The following AFF2 variants were observed in gnomAD, a reference collection of about 807,000 sequenced individuals.
AFF2 encodes ALF transcription elongation factor 2, also known as AF4/FMR2 family member 2.
In AFF2, 14 loss-of-function variants were observed where a neutral mutation model predicts 76.9. That is an observed-to-expected ratio of 0.18 (90% confidence interval 0.12 to 0.28). The LOEUF is 0.28. Ranked by LOEUF, AFF2 falls within the 10% of genes least tolerant of loss-of-function variation. The probability of loss-of-function intolerance (pLI) is 1.00; values close to 1 mark genes in which losing one functional copy is unlikely to be tolerated. For synonymous variants in AFF2, 398 were observed against 366.7 expected (o/e 1.09, Z -0.98); for missense variants, 868 against 1,001.1 (o/e 0.87, Z 1.79).
intron 11 of AFF2, among the ~76,000 whole-genome samples, chrX:148,958,046 T>C: frequency 8.9e-6 from 1 of 111,885 alleles, no homozygotes; most frequent in East Asian, 2.8e-4. Flanking sequence ...AAAAATTGTA[T>C]TAATAGATTC....
chrX:148,893,357 C>T (rs1376632600), intron 8 of AFF2, among the ~76,000 whole-genome samples: 2 of 111,812 alleles, frequency 1.8e-5, no homozygotes, highest in Non-Finnish European at 3.8e-5. Context: ...GTTTAGAAAC[C>T]TGTGTGCTGA....
intron 7 of AFF2, among the ~76,000 whole-genome samples, chrX:148,851,947 G>A (rs1465812601): frequency 9.1e-6 from 1 of 109,750 alleles, no homozygotes; most frequent in Non-Finnish European, 1.9e-5. Context: ...TTAACATTTA[G>A]CTTCCACCTG....
chrX:148,529,417 A>T (rs1201155433), intron 1 of AFF2, among the ~76,000 whole-genome samples: 1 of 112,393 alleles, frequency 8.9e-6, no homozygotes, highest in African/African-American at 3.2e-5. Context: ...GTACAAAAAC[A>T]AAGTATAGGT....
intron 1 of AFF2, among the ~76,000 whole-genome samples, chrX:148,643,126 A>C (rs2054106546): frequency 8.9e-6 from 1 of 111,906 alleles, no homozygotes; most frequent in Non-Finnish European, 1.9e-5. Context: ...TATTGGAAGA[A>C]ACATGAAGAA....
chrX:148,984,512 A>T (rs4844078), intron 19 of AFF2, among the ~76,000 whole-genome samples: 2 of 110,801 alleles, frequency 1.8e-5, no homozygotes, highest in African/African-American at 3.3e-5. Context: ...TCTCTTAGCC[A>T]CAGTCACAAC....
chrX:148,530,370 A>G (rs1166578313), intron 1 of AFF2, among the ~76,000 whole-genome samples: 1 of 112,130 alleles, frequency 8.9e-6, no homozygotes, highest in Non-Finnish European at 1.9e-5. Flanking sequence ...ACTACTATTT[A>G]AAATTGTTAT....
intron 3 of AFF2, among the ~76,000 whole-genome samples, chrX:148,675,283 GAA>G (rs1278826796): frequency 9.9e-6 from 1 of 101,207 alleles, no homozygotes; most frequent in African/African-American, 3.6e-5. Flanking sequence ...GGTTGATGGA[GAA>G]AAAAAAAAAG....
intron 3 of AFF2, among the ~76,000 whole-genome samples, chrX:148,692,444 C>A (rs1391237064): frequency 8.9e-6 from 1 of 112,045 alleles, no homozygotes. Flanking sequence ...TGTCACAAGA[C>A]CCACAGTATT....
chrX:148,960,844 T>A (rs949050850), intron 12 of AFF2, among the ~76,000 whole-genome samples: 2 of 111,913 alleles, frequency 1.8e-5, no homozygotes, highest in African/African-American at 3.2e-5. Flanking sequence ...GCTCTTCTTT[T>A]GTCTCCTGTT....
intron 3 of AFF2, among the ~76,000 whole-genome samples, chrX:148,726,878 C>A (rs782010138): frequency 1.8e-5 from 2 of 111,224 alleles, no homozygotes. Context: ...TCCCCCAGGG[C>A]ACACATGGTC....
intron 4 of AFF2, among the ~76,000 whole-genome samples, chrX:148,811,763 G>A (rs966611448): frequency 3.6e-5 from 4 of 111,782 alleles, no homozygotes; most frequent in African/African-American, 1.3e-4. Context: ...GAAGGAGGGT[G>A]AACACCTGGC....
chrX:148,767,424 C>T (rs917424241), intron 3 of AFF2, among the ~76,000 whole-genome samples: 1 of 111,439 alleles, frequency 9.0e-6, no homozygotes, highest in Non-Finnish European at 1.9e-5. Flanking sequence ...GTTTCTAAAA[C>T]GCAAACAAAG....
In AFF2 at chrX:148,999,905, G is replaced by A. The variant is rs2072656037; in HGVS notation, c.*8573G>A. ...GTAGGTCAAGATGCATGAGAGGGAA[G>A]ATGGAGGCCACCTCAACTGGAGAAC... On this transcript the variant is annotated 3_prime_UTR_variant, in exon 21 of 21. Transcript: ENST00000370460. 1.8e-5 allele frequency: 2 copies of A among 111,614 alleles called. No homozygotes were observed. The allele number at this position is 111,614 out of a possible 1,213,427, so 9.2% of individuals were successfully genotyped here.
chrX:148,804,746 T>C (rs1439288702), intron 3 of AFF2, among the ~76,000 whole-genome samples: 1 of 112,396 alleles, frequency 8.9e-6, no homozygotes, highest in Non-Finnish European at 1.9e-5. Flanking sequence ...ATTAAAGTTA[T>C]ATTACCCGAG....
intron 7 of AFF2, among the ~76,000 whole-genome samples, chrX:148,876,239 C>A (rs1253678335): frequency 9.0e-6 from 1 of 111,672 alleles, no homozygotes; most frequent in African/African-American, 3.3e-5. Context: ...ATAGTTATAG[C>A]AATTCTATAA....
At chrX:148,739,261 A>C (rs1243101626) in intron 3 of AFF2, among the ~76,000 whole-genome samples, 2 of 111,552 alleles carry the variant, frequency 1.8e-5, no homozygotes, top group African/African-American at 3.3e-5. Flanking sequence ...CTCATTTCTT[A>C]GGTCTATTAG....
intron 8 of AFF2, among the ~76,000 whole-genome samples, chrX:148,893,996 A>G (rs1409537133): frequency 2.7e-5 from 3 of 111,345 alleles, no homozygotes; most frequent in African/African-American, 9.8e-5. Context: ...CATCATCCCA[A>G]TTAGGGTCCT....
intron 9 of AFF2, among the ~76,000 whole-genome samples, chrX:148,917,328 A>G (rs911510249): frequency 1.8e-5 from 2 of 112,109 alleles, no homozygotes; most frequent in Non-Finnish European, 3.8e-5. Flanking sequence ...ATGGGTAGTT[A>G]TATTTGATGT....
chrX:148,796,167 A>G (rs782105333), intron 3 of AFF2, among the ~76,000 whole-genome samples: 6 of 109,600 alleles, frequency 5.5e-5, no homozygotes, highest in African/African-American at 2.0e-4. Flanking sequence ...GAGCTTTTAT[A>G]GATTCCAGCT....
Sources: gnomAD v4.1 joint callset for allele counts (sites outside exome capture counted in the v4.1 genomes callset) on GRCh38, gnomAD v4.1.1 for gene constraint, MANE v1.5 for transcripts, NCBI Gene and HGNC (gene_info 2026-07-23, HGNC 2026-07-21) for gene names.